The following SLC8A1 variants were observed in gnomAD, a reference collection of about 807,000 sequenced individuals.
The protein encoded by SLC8A1 is sodium/calcium exchanger 1.
SLC8A1 carries 18 observed loss-of-function variants against 68.3 expected under a neutral mutation model. The observed-to-expected ratio is 0.26, with a 90% CI of 0.18 to 0.39. SLC8A1 has a LOEUF of 0.39. Ranked by LOEUF, SLC8A1 falls within the 10% of genes least tolerant of loss-of-function variation. The pLI, the probability that SLC8A1 is intolerant of heterozygous loss-of-function variation, is 1.00. For missense variants in SLC8A1, 985 were observed against 1,156.7 expected (o/e 0.85, Z 2.15); for synonymous variants, 475 against 415.5 (o/e 1.14, Z -1.74).
chr2:40,416,962 A>G (rs879493412), intron 2 of SLC8A1, among the ~76,000 whole-genome samples: 2 of 152,096 alleles, frequency 1.3e-5, no homozygotes, highest in Admixed American at 1.3e-4. Flanking sequence ...AGGGTAGATA[A>G]AAAAGCAAAG....
intron 2 of SLC8A1, among the ~76,000 whole-genome samples, chr2:40,222,169 G>C (rs1466553316): frequency 1.3e-5 from 2 of 150,178 alleles, no homozygotes; most frequent in Non-Finnish European, 1.5e-5. Context: ...TACCAAATTA[G>C]ATATATATAT....
chr2:40,442,304 G>A (rs770130367), intron 1 of SLC8A1, among the ~76,000 whole-genome samples: 7 of 144,218 alleles, frequency 4.9e-5, no homozygotes, highest in South Asian at 2.2e-4. Context: ...GCATCAGAGT[G>A]AACAAGCAAC....
intron 1 of SLC8A1, among the ~76,000 whole-genome samples, chr2:40,476,252 C>T (rs1005655732): frequency 2.0e-5 from 3 of 152,056 alleles, no homozygotes; most frequent in African/African-American, 7.3e-5. Flanking sequence ...AACTCTGGAC[C>T]CAAGGACTAA....
chr2:40,443,742 A>C (rs190659916), intron 1 of SLC8A1, among the ~76,000 whole-genome samples: 1 of 152,300 alleles, frequency 6.6e-6, no homozygotes, highest in East Asian at 1.9e-4. Context: ...GTCCTTGGAG[A>C]AGTCATTTTC....
chr2:40,312,415 G>C (rs1028020432), intron 2 of SLC8A1, among the ~76,000 whole-genome samples: 3 of 151,986 alleles, frequency 2.0e-5, no homozygotes, highest in Non-Finnish European at 4.4e-5. Flanking sequence ...TCTGCTAACA[G>C]TGGTCCAGGA....
At chr2:40,267,458 T>C (rs561565004) in intron 2 of SLC8A1, among the ~76,000 whole-genome samples, 10 of 152,302 alleles carry the variant, frequency 6.6e-5, no homozygotes, top group South Asian at 6.2e-4. Context: ...GTCCTGTAGT[T>C]GCCTCTAAGA....
Position 40,372,150 on chromosome 2 carries a change from A to T in SLC8A1, c.1808+56323T>A, listed in dbSNP as rs1254659823. ...AGAAATATTTATAATAATCACATTCAACCCTAGACTTTCCTCTAAGAATCT... is the reference window on the plus strand; with the variant it reads ...AGAAATATTTATAATAATCACATTCTACCCTAGACTTTCCTCTAAGAATCT... On this transcript the variant is annotated intron_variant, in intron 2 of 7. Coordinates refer to ENST00000406785, the Ensembl canonical transcript of SLC8A1. Among the ~76,000 whole-genome samples the T allele has an allele frequency of 3.3e-5, 5 of 152,156 alleles. 1 individual carries two copies. The highest frequency in any genetic ancestry group is 3.3e-4 in the Admixed American group (5 of 15,260).
intron 1 of SLC8A1, among the ~76,000 whole-genome samples, chr2:40,433,806 T>C (rs1324770138): frequency 2.0e-5 from 3 of 152,166 alleles, no homozygotes; most frequent in Admixed American, 6.6e-5. Flanking sequence ...TTGAGAACTA[T>C]TGGGGTTGGC....
At chr2:40,398,992 A>C (rs1466936679) in intron 2 of SLC8A1, among the ~76,000 whole-genome samples, 10 of 152,218 alleles carry the variant, frequency 6.6e-5, no homozygotes, top group Admixed American at 5.9e-4. Flanking sequence ...AATGACTTTT[A>C]AAAATGAAAT....
intron 1 of SLC8A1, among the ~76,000 whole-genome samples, chr2:40,500,164 C>A (rs1705966191): frequency 6.6e-6 from 1 of 151,910 alleles, no homozygotes; most frequent in Non-Finnish European, 1.5e-5. Flanking sequence ...ACAACAAAAC[C>A]CCCAGGATTT....
upstream of SLC8A1, among the ~76,000 whole-genome samples, chr2:40,454,707 T>C (rs1702900404): frequency 6.6e-6 from 1 of 152,208 alleles, no homozygotes; most frequent in African/African-American, 2.4e-5. Context: ...CCCCTAATTT[T>C]CTTTGCCTTT....
intron 1 of SLC8A1, among the ~76,000 whole-genome samples, chr2:40,448,982 G>C (rs547693479): frequency 2.3e-4 from 35 of 151,966 alleles, no homozygotes; most frequent in African/African-American, 8.2e-4. Flanking sequence ...TGCTCTAACA[G>C]CCTCTTCTAG....
At chr2:40,209,397 A>G (rs1486850243) in intron 2 of SLC8A1, among the ~76,000 whole-genome samples, 3 of 152,128 alleles carry the variant, frequency 2.0e-5, no homozygotes, top group Admixed American at 6.5e-5. Flanking sequence ...CTGGAGAAAA[A>G]TGATCCTGGA....
intron 2 of SLC8A1, among the ~76,000 whole-genome samples, chr2:40,309,354 A>T (rs981100548): frequency 7.3e-5 from 11 of 151,096 alleles, no homozygotes; most frequent in Admixed American, 2.0e-4. Flanking sequence ...AGAGTGCTTC[A>T]GGCTTTGGAA....
At chr2:40,328,170 G>C (rs1312852164) in intron 2 of SLC8A1, among the ~76,000 whole-genome samples, 1 of 152,056 alleles carries the variant, frequency 6.6e-6, no homozygotes, top group Non-Finnish European at 1.5e-5. Context: ...TCGATAAATA[G>C]AGTAAAAAGA....
intron 2 of SLC8A1, among the ~76,000 whole-genome samples, chr2:40,273,450 A>C (rs1458872345): frequency 6.6e-6 from 1 of 152,186 alleles, no homozygotes; most frequent in East Asian, 1.9e-4. Context: ...GCTTCCTACG[A>C]ATGGATGAGT....
intron 7 of SLC8A1, among the ~76,000 whole-genome samples, chr2:40,116,164 A>G (rs933924563): frequency 1.3e-5 from 2 of 152,202 alleles, no homozygotes; most frequent in African/African-American, 2.4e-5. Flanking sequence ...AGATGTCGGG[A>G]GAGATTTTTC....
chr2:40,510,222 T>C (rs1245229606), intron 1 of SLC8A1, among the ~76,000 whole-genome samples: 3 of 152,220 alleles, frequency 2.0e-5, no homozygotes, highest in Admixed American at 2.0e-4. Context: ...TTTCTAGATG[T>C]ATAGTCATCA....
intron 2 of SLC8A1, among the ~76,000 whole-genome samples, chr2:40,263,804 C>G (rs912081239): frequency 6.6e-6 from 1 of 152,080 alleles, no homozygotes; most frequent in Non-Finnish European, 1.5e-5. Flanking sequence ...GACTTCATGT[C>G]TAAAACACAA....
Sources: allele counts gnomAD v4.1 joint callset (sites outside exome capture counted in the v4.1 genomes callset), GRCh38; gene constraint gnomAD v4.1.1; transcripts MANE v1.5; gene names NCBI Gene and HGNC (gene_info 2026-07-23, HGNC 2026-07-21).